Variants in PLCL2 observed in about 807,000 individuals in gnomAD.
PLCL2 encodes the protein inactive phospholipase C-like protein 2.
A neutral mutation model predicts 79.6 loss-of-function variants in PLCL2; 4 were observed. The observed-to-expected ratio is 0.05, with a 90% CI of 0.02 to 0.11. PLCL2 has a LOEUF of 0.11. Ranked by LOEUF, PLCL2 falls within the 10% of genes least tolerant of loss-of-function variation. PLCL2 has a pLI of 1.00. For synonymous variants in PLCL2, 484 were observed against 457.7 expected, an observed-to-expected ratio of 1.06 and a Z score of -0.73; for missense variants, 895 against 1,291.0, an observed-to-expected ratio of 0.69 and a Z score of 4.70.
intron 1 of PLCL2, among the ~76,000 whole-genome samples, chr3:16,903,059 A>G (rs987913946): frequency 2.0e-5 from 3 of 152,114 alleles, no homozygotes; most frequent in African/African-American, 7.2e-5. Context: ...TTTCGTAGGA[A>G]AGGTCTTATA....
intron 1 of PLCL2, among the ~76,000 whole-genome samples, chr3:16,934,405 G>A (rs1164300703): frequency 6.6e-6 from 1 of 152,196 alleles, no homozygotes; most frequent in Non-Finnish European, 1.5e-5. Context: ...GTGAGGAACT[G>A]TGTTCTAGGA....
chr3:17,025,144 A>C (rs992352572), intron 3 of PLCL2, among the ~76,000 whole-genome samples: 3 of 152,190 alleles, frequency 2.0e-5, no homozygotes, highest in Admixed American at 1.3e-4. Flanking sequence ...TGAAGATGGA[A>C]CATATTCAGG....
chr3:16,949,330 T>C (rs2124957826), intron 1 of PLCL2, among the ~76,000 whole-genome samples: 1 of 152,368 alleles, frequency 6.6e-6, no homozygotes, highest in South Asian at 2.1e-4. Context: ...TTTGATATTG[T>C]CAAACTTTAT....
chr3:16,984,757 CCT>C (rs1165090992), intron 1 of PLCL2, among the ~76,000 whole-genome samples: 6 of 151,978 alleles, frequency 3.9e-5, no homozygotes, highest in African/African-American at 1.5e-4. Flanking sequence ...ATGGTGAAAC[CCT>C]GTCTCTACTA....
At chr3:17,043,659 T>C (rs1433192986) in intron 4 of PLCL2, among the ~76,000 whole-genome samples, 3 of 152,134 alleles carry the variant, frequency 2.0e-5, no homozygotes, top group African/African-American at 7.2e-5. Flanking sequence ...TTTCTAAGGT[T>C]TTTTTCGTTG....
chr3:17,083,955 A>G (rs911435737), intron 5 of PLCL2, among the ~76,000 whole-genome samples: 3 of 152,236 alleles, frequency 2.0e-5, no homozygotes, highest in Non-Finnish European at 2.9e-5. Flanking sequence ...GCATACATCA[A>G]TGACATTAAA....
chr3:16,937,983 C>G (rs1416018784), intron 1 of PLCL2, among the ~76,000 whole-genome samples: 1 of 152,158 alleles, frequency 6.6e-6, no homozygotes, highest in South Asian at 2.1e-4. Context: ...TGGCAATTCA[C>G]GTGTAATTTG....
At chr3:17,050,574 G>A (rs1165828214) in intron 4 of PLCL2, among the ~76,000 whole-genome samples, 1 of 152,118 alleles carries the variant, frequency 6.6e-6, no homozygotes, top group Non-Finnish European at 1.5e-5. Flanking sequence ...TCAGACAAAT[G>A]CAAATCAAAA....
rs146794863 is a variant in PLCL2 at position 17,020,223 on chromosome 3, A to G, written c.3018+5312A>G. Among the ~76,000 whole-genome samples, 837 of 152,334 alleles carry G rather than the reference A, an allele frequency of 5.5e-3. 4 individuals carry two copies. Among genetic ancestry groups the G allele is most frequent in the Middle Eastern group, 0.031 (9 of 294 alleles). ...CAAGGAGTCAACATTCTTCCTCTATAGAGAGAAAACATTGAAAATTTAAAT... is the reference window on the plus strand; with the variant it reads ...CAAGGAGTCAACATTCTTCCTCTATGGAGAGAAAACATTGAAAATTTAAAT... On this transcript the variant is annotated intron_variant, in intron 3 of 5. Coordinates refer to ENST00000615277, the MANE Select transcript of PLCL2 (RefSeq NM_001144382.2).
At position 16,887,681 on chromosome 3, in the gene PLCL2, A is replaced by G. The variant is rs1353153614; in HGVS notation, c.327+2315A>G. Among the ~76,000 whole-genome samples the G allele has an allele frequency of 6.6e-6, 1 of 152,222 alleles. No homozygotes were observed. Among genetic ancestry groups the G allele is most frequent in the African/African-American group, 2.4e-5 (1 of 41,448 alleles). On this transcript the variant is annotated intron_variant, in intron 1 of 5. Coordinates refer to ENST00000615277, the MANE Select transcript of PLCL2 (RefSeq NM_001144382.2). This position sits in a 1 kb window ranked among gnomAD's most constrained non-coding sequence, Gnocchi z 4.1. Reference sequence around the variant, plus strand: ...GTATTTTCTAAAGATAACTTCCAGCATCAGGACAATATCCTAATAGAAAAC... The same window carrying G: ...GTATTTTCTAAAGATAACTTCCAGCGTCAGGACAATATCCTAATAGAAAAC...
rs375165599 is a variant in PLCL2 at position 17,000,972 on chromosome 3, A to AT, written c.328-8697dup. 4.2e-3 allele frequency among the ~76,000 whole-genome samples: 641 copies of AT among 152,132 alleles called. 2 individuals carry two copies. The highest frequency in any genetic ancestry group is 0.015 in the African/African-American group (615 of 41,540). On this transcript the variant is annotated intron_variant, in intron 1 of 5. Coordinates refer to ENST00000615277, the MANE Select transcript of PLCL2 (RefSeq NM_001144382.2). ...GATTACTGGATTATATGGTAGTTCT[A>AT]TTTTTAGCTTTTTTGAGAAACTTTC...
At chr3:16,995,779 G>A (rs888698204) in intron 1 of PLCL2, among the ~76,000 whole-genome samples, 4 of 152,130 alleles carry the variant, frequency 2.6e-5, no homozygotes, top group East Asian at 3.8e-4. Context: ...CGTAGGCTCC[G>A]TGGAGGATTC....
chr3:16,889,619 C>A (rs575864976), intron 1 of PLCL2, among the ~76,000 whole-genome samples: 4 of 152,294 alleles, frequency 2.6e-5, no homozygotes, highest in African/African-American at 9.6e-5. Flanking sequence ...CTTTTACTGT[C>A]TTTATACTAC....
At chr3:16,914,309 G>GGA in intron 1 of PLCL2, among the ~76,000 whole-genome samples, 1 of 152,162 alleles carries the variant, frequency 6.6e-6, no homozygotes, top group East Asian at 1.9e-4. Flanking sequence ...GAGGAATTAG[G>GGA]GAGCAACATA....
At chr3:17,083,172 A>G (rs2124956172) in intron 5 of PLCL2, among the ~76,000 whole-genome samples, 1 of 152,250 alleles carries the variant, frequency 6.6e-6, no homozygotes, top group African/African-American at 2.4e-5. Context: ...GGGAAGCAGT[A>G]AGGAGAATTA....
At chr3:16,948,242 A>G (rs990250255) in intron 1 of PLCL2, among the ~76,000 whole-genome samples, 15 of 152,316 alleles carry the variant, frequency 9.8e-5, no homozygotes, top group Non-Finnish European at 1.9e-4. Context: ...ACATTATGCT[A>G]AGTAAAAGAA....
Position 16,965,628 on chromosome 3 carries a change from C to T in PLCL2, c.328-44046C>T, listed in dbSNP as rs533413208. Among the ~76,000 whole-genome samples, 173 of 150,534 alleles carry T rather than the reference C, an allele frequency of 1.1e-3. 6 individuals carry two copies. The South Asian group carries it at 0.033, about 29-fold the overall frequency. ...ACCTTGGGCAGTATGGCCATTTTCA[C>T]GATATTGATTCTTCCTATCCATGAG... On this transcript the variant is annotated intron_variant, in intron 1 of 5. Coordinates refer to ENST00000615277, the MANE Select transcript of PLCL2 (RefSeq NM_001144382.2).
chr3:17,054,805 T>A (rs2064877464), intron 4 of PLCL2, among the ~76,000 whole-genome samples: 2 of 152,162 alleles, frequency 1.3e-5, no homozygotes, highest in Admixed American at 1.3e-4. Flanking sequence ...TATGTCAGAA[T>A]GTTTCTCAGC....
At chr3:17,023,824 G>A (rs1314140363) in intron 3 of PLCL2, among the ~76,000 whole-genome samples, 1 of 152,198 alleles carries the variant, frequency 6.6e-6, no homozygotes, top group East Asian at 1.9e-4. Context: ...TCATAAGATA[G>A]TTGCTCCTCA....
Sources: allele counts gnomAD v4.1 joint callset (sites outside exome capture counted in the v4.1 genomes callset), GRCh38; gene constraint gnomAD v4.1.1; non-coding constraint Gnocchi (gnomAD v3.1); transcripts MANE v1.5; gene names NCBI Gene and HGNC (gene_info 2026-07-23, HGNC 2026-07-21).